KMT2A: variants seen among roughly 807,000 people sequenced by gnomAD.
KMT2A encodes lysine methyltransferase 2A, also known as histone-lysine N-methyltransferase 2A.
A neutral mutation model predicts 345.3 loss-of-function variants in KMT2A; 16 were observed. That is an observed-to-expected ratio of 0.05 (90% CI 0.03 to 0.07). The LOEUF is 0.07. Ranked by LOEUF, KMT2A falls within the 10% of genes least tolerant of loss-of-function variation. The probability of loss-of-function intolerance (pLI) is 1.00; values close to 1 mark genes in which losing one functional copy is unlikely to be tolerated. For missense variants in KMT2A, 3,272 were observed against 4,841.6 expected (o/e 0.68, Z 9.62); for synonymous variants, 1,599 against 1,778.6 (o/e 0.90, Z 2.54).
intron 1 of KMT2A, among the ~76,000 whole-genome samples, chr11:118,456,177 T>A (rs1949638480): frequency 6.6e-6 from 1 of 151,978 alleles, no homozygotes; most frequent in African/African-American, 2.4e-5. Context: ...ATTACCTTCA[T>A]GATCTATTTT....
intron 1 of KMT2A, chr11:118,448,466 T>C (rs968448760): frequency 6.6e-6 from 1 of 152,180 alleles, no homozygotes; most frequent in South Asian, 2.1e-4. Context: ...TTTTTAGATA[T>C]GTTGGGTTGC....
chr11:118,489,371 C>A (rs901134938), intron 11 of KMT2A, among the ~76,000 whole-genome samples: 1 of 151,972 alleles, frequency 6.6e-6, no homozygotes, highest in Non-Finnish European at 1.5e-5. Flanking sequence ...CCCATGGAAA[C>A]CAAGGATGAC....
chr11:118,463,928 A>G (rs904428667), intron 1 of KMT2A, among the ~76,000 whole-genome samples: 3 of 152,220 alleles, frequency 2.0e-5, no homozygotes, highest in African/African-American at 4.8e-5. Context: ...TATCAGAGCA[A>G]CATAAGTTCT....
chr11:118,473,955 G>A lies in KMT2A; in HGVS notation c.2796G>A (p.Gly932=). Residue 932 remains glycine (G), a synonymous_variant, in exon 3 of 36, where the codon GGG becomes GGA. Coordinates refer to ENST00000534358, the MANE Select transcript of KMT2A (RefSeq NM_001197104.2). The surrounding 1 kb of genome is among the most constrained non-coding windows in gnomAD (Gnocchi z 5.2). Reference sequence around the variant, plus strand: ...CATCTTCTGCCAAAAAAGCAACAGGGCGGAAGAAGTCTTCATCACATGATT... The same window carrying A: ...CATCTTCTGCCAAAAAAGCAACAGGACGGAAGAAGTCTTCATCACATGATT... ...ATSSSAKKAT[G]RKKSSSHDSG... 2 of 1,614,016 alleles carry A rather than the reference G, an allele frequency of 1.2e-6. No individual in the cohort carries two copies. The highest frequency in any genetic ancestry group is 1.7e-6 in the Non-Finnish European group (2 of 1,179,972).
chr11:118,507,626 G>A lies in KMT2A; in HGVS notation c.10835+17G>A, dbSNP rs372145951. On this transcript the variant is annotated intron_variant, in intron 28 of 35. Transcript: ENST00000534358. ...ACCTGCAGGGTAAGCTGAAGAATTC[G>A]TCTTTTAAGACTAAGCTCTCAGTTT... is the stretch of plus-strand genomic sequence containing the variant. 5 of 1,600,424 alleles carry A rather than the reference G, an allele frequency of 3.1e-6. No individual in the cohort carries two copies. Among genetic ancestry groups the A allele is most frequent in the Non-Finnish European group, 4.3e-6 (5 of 1,167,754 alleles).
At chr11:118,500,159 GA>G (rs1422229184) in intron 24 of KMT2A, among the ~76,000 whole-genome samples, 23 of 152,246 alleles carry the variant, frequency 1.5e-4, no homozygotes, top group African/African-American at 5.5e-4. Context: ...AACCTTAGTA[GA>G]AAACACAAGG....
At chr11:118,511,782 C>A in intron 30 of KMT2A, 169 bp from the exon 31 acceptor site, 1 of 661,228 alleles carries the variant, frequency 1.5e-6, no homozygotes. Context: ...CGGCTCCTTT[C>A]ACATGTAATG....
chr11:118,456,304 T>C (rs1949641389), intron 1 of KMT2A, among the ~76,000 whole-genome samples: 1 of 152,106 alleles, frequency 6.6e-6, no homozygotes, highest in Non-Finnish European at 1.5e-5. Context: ...CTGGGCAATA[T>C]AGTGAGACCT....
At chr11:118,477,544 G>C (rs1950061426) in intron 4 of KMT2A, among the ~76,000 whole-genome samples, 1 of 97,606 alleles carries the variant, frequency 1.0e-5, no homozygotes, top group South Asian at 3.6e-4. Context: ...GCCTCATTGT[G>C]TTGCCCAAGC....
chr11:118,509,082 T>A (rs1257803650), intron 28 of KMT2A, 54 bp from the exon 29 acceptor site: 8 of 1,527,340 alleles, frequency 5.2e-6, no homozygotes, highest in Non-Finnish European at 7.2e-6. Context: ...CTGGGTTTTT[T>A]CTTTGAATTG....
In KMT2A at chr11:118,473,691, G is replaced by C. The variant is rs782063956; in HGVS notation, c.2532G>C (p.Gln844His). The change falls in exon 3 of 36, where the codon CAG (glutamine) becomes CAC (histidine). Residue 844 changes from glutamine to histidine, a missense_variant. Gln to His is a conservative substitution (Grantham distance 24). This residue lies in a region of KMT2A where 209 missense variants were observed against 237.4 expected (regional missense o/e 0.88). Coordinates refer to ENST00000534358, the MANE Select transcript of KMT2A (RefSeq NM_001197104.2). The surrounding 1 kb of genome is among the most constrained non-coding windows in gnomAD (Gnocchi z 5.2). ...PLFPWFTPGS[Q>H]TERGRNKDKA... The stretch of plus-strand genomic sequence containing the variant: ...TCCCTTGGTTTACCCCAGGCTCTCA[G>C]ACTGAAAGAGGGAGAAATAAAGACA... 1 of 1,614,154 alleles carries C rather than the reference G, an allele frequency of 6.2e-7. No individual in the cohort carries two copies. The highest frequency in any genetic ancestry group is 1.1e-5 in the South Asian group (1 of 91,088).
In KMT2A at chr11:118,503,568, C is replaced by A. The variant is rs782315435; in HGVS notation, c.7676C>A (p.Thr2559Lys). 1.9e-6 allele frequency: 3 copies of A among 1,614,076 alleles called. No homozygotes were observed. The African/African-American group carries it at 4.0e-5, about 22-fold the overall frequency. Residue 2559 changes from threonine (T) to lysine (K), a missense_variant, in exon 27 of 36, where the codon ACA becomes AAA. Around this residue, in one of 27 missense-constraint regions of KMT2A, gnomAD observed 445 missense variants for 500.9 expected, o/e 0.89. Coordinates refer to ENST00000534358, the MANE Select transcript of KMT2A (RefSeq NM_001197104.2). This position sits in a 1 kb window ranked among gnomAD's most constrained non-coding sequence, Gnocchi z 5.3. ...SPLQIESTSP[T>K]EPISASENPG... ...TTGCAAATAGAGTCAACATCTCCCA[C>A]AGAACCAATTTCAGCCTCTGAAAAT...
intron 1 of KMT2A, among the ~76,000 whole-genome samples, chr11:118,454,670 G>T (rs1247820611): frequency 6.6e-6 from 1 of 152,124 alleles, no homozygotes; most frequent in Non-Finnish European, 1.5e-5. Flanking sequence ...TTACAAGCTC[G>T]TCGTAAAGTC....
chr11:118,520,743 C>A lies in KMT2A; in HGVS notation c.11430-59C>A. The A allele has an allele frequency of 7.8e-7, 1 of 1,274,512 alleles. No individual in the cohort carries two copies. The highest frequency in any genetic ancestry group is 1.1e-6 in the Non-Finnish European group (1 of 871,408). The allele number at this position is 1,274,512 out of a possible 1,614,324, so 79.0% of individuals were successfully genotyped here. ...TAATTGTCTCTAGGAACCTTCGATT[C>A]AAGACTCAAAACATTATTTCCTGAA... On this transcript the variant is annotated intron_variant, in intron 33 of 35. Transcript: ENST00000534358. This position sits in a 1 kb window ranked among gnomAD's most constrained non-coding sequence, Gnocchi z 4.3.
intron 1 of KMT2A, among the ~76,000 whole-genome samples, chr11:118,466,049 A>C (rs1949837665): frequency 1.3e-5 from 2 of 152,088 alleles, no homozygotes; most frequent in African/African-American, 4.8e-5. Context: ...AAGAGAGATA[A>C]TTTTTTTATT....
chr11:118,484,739 A>C lies in KMT2A; in HGVS notation c.4219-123A>C. On this transcript the variant is annotated intron_variant, in intron 9 of 35. Coordinates refer to ENST00000534358, the MANE Select transcript of KMT2A (RefSeq NM_001197104.2). This position sits in a 1 kb window ranked among gnomAD's most constrained non-coding sequence, Gnocchi z 4.1. ...TTTTTAAAGCAGCAGTTATTTTTGG[A>C]CTCATTGAAATGAAATACTCTGACA... The C allele has an allele frequency of 1.4e-6, 1 of 698,300 alleles. No individual in the cohort carries two copies. Among genetic ancestry groups the C allele is most frequent in the South Asian group, 1.7e-5 (1 of 59,600 alleles). 43.3% of individuals were successfully genotyped at this position (698,300 alleles called of 1,614,324 possible).
In KMT2A at chr11:118,520,521, C is replaced by T. The variant is rs1483580712; in HGVS notation, c.11430-281C>T. 1.5e-5 allele frequency: 6 copies of T among 410,220 alleles called. No homozygotes were observed. Among genetic ancestry groups the T allele is most frequent in the Non-Finnish European group, 2.6e-5 (6 of 227,030 alleles). 25.4% of individuals were successfully genotyped at this position (410,220 alleles called of 1,614,324 possible). ...CAAAAATTAGCCCGGCGTGGTGGCGCGCGCCTGTAGTCCCACCTACTCAGC... is the reference window on the plus strand; with the variant it reads ...CAAAAATTAGCCCGGCGTGGTGGCGTGCGCCTGTAGTCCCACCTACTCAGC... On this transcript the variant is annotated intron_variant, in intron 33 of 35. Coordinates refer to ENST00000534358, the MANE Select transcript of KMT2A (RefSeq NM_001197104.2). The surrounding 1 kb of genome is among the most constrained non-coding windows in gnomAD (Gnocchi z 4.3).
At position 118,511,965 on chromosome 11, in the gene KMT2A, T is replaced by C. The variant is rs1950696820; in HGVS notation, c.11086T>C (p.Leu3696=). The change falls in exon 31 of 36, where the codon TTG becomes CTG. Residue 3696 remains leucine, a synonymous_variant. Transcript: ENST00000534358. ...TTTCCTTTCAGATGCCTGGAAGTCA[T>C]TGACAGATAAAGTCCAGGAAGCTCG... is the stretch of plus-strand genomic sequence containing the variant. ...AESIEDAWKS[L]TDKVQEARSN... 1 of 1,614,154 alleles carries C rather than the reference T, an allele frequency of 6.2e-7. No homozygotes were observed. The highest frequency in any genetic ancestry group is 8.5e-7 in the Non-Finnish European group (1 of 1,179,996).
At position 118,504,134 on chromosome 11, in the gene KMT2A, G is replaced by T. The variant is rs1276397636; in HGVS notation, c.8242G>T (p.Gly2748Cys). 1 of 1,614,102 alleles carries T rather than the reference G, an allele frequency of 6.2e-7. No individual in the cohort carries two copies. The highest frequency in any genetic ancestry group is 2.2e-5 in the East Asian group (1 of 44,886). Residue 2748 changes from glycine to cysteine, a missense_variant, in exon 27 of 36, where the codon GGT (glycine) becomes TGT (cysteine). Physicochemically the swap from Gly to Cys is radical, Grantham distance 159. Around this residue, in one of 27 missense-constraint regions of KMT2A, gnomAD observed 100 missense variants for 101.3 expected, o/e 0.99. Coordinates refer to ENST00000534358, the MANE Select transcript of KMT2A (RefSeq NM_001197104.2). This position sits in a 1 kb window ranked among gnomAD's most constrained non-coding sequence, Gnocchi z 6.4. ...RKSSQIPKRNGKENGTENLKI... is the reference protein window; with the variant it reads ...RKSSQIPKRNCKENGTENLKI... ...AAGCAGCCAGATTCCAAAAAGAAAT[G>T]GTAAAGAAAATGGAACAGAGAACTT...
Sources: allele counts gnomAD v4.1 joint callset (sites outside exome capture counted in the v4.1 genomes callset), GRCh38; gene constraint gnomAD v4.1.1; regional missense constraint gnomAD v4.1.1; non-coding constraint Gnocchi (gnomAD v3.1); transcripts MANE v1.5; gene names NCBI Gene and HGNC (gene_info 2026-07-23, HGNC 2026-07-21).